Variants in ATP13A4 observed in about 807,000 individuals in gnomAD.
ATP13A4 encodes ATPase 13A4, also known as probable cation-transporting ATPase 13A4.
Under a neutral mutation model 142.5 loss-of-function variants are expected in ATP13A4, and 114 were observed. The observed-to-expected ratio is 0.80, with a 90% CI of 0.69 to 0.93. The LOEUF is 0.93. Among genes scored for constraint, ATP13A4 ranks in the 40% least tolerant of loss-of-function variants. The pLI is 0.00. For synonymous variants in ATP13A4, 488 were observed against 514.8 expected (o/e 0.95, Z 0.70); for missense variants, 1,392 against 1,454.0 (o/e 0.96, Z 0.69).
intron 3 of ATP13A4, among the ~76,000 whole-genome samples, chr3:193,495,667 A>T (rs995434717): frequency 2.0e-5 from 3 of 152,208 alleles, no homozygotes; most frequent in African/African-American, 7.2e-5. Context: ...TAAGACCTAG[A>T]ACAAGACAGG....
Position 193,441,150 on chromosome 3 carries a change from GT to G in ATP13A4, c.2439+315del, listed in dbSNP as rs139551500. Among the ~76,000 whole-genome samples, 435 of 152,150 alleles carry G rather than the reference GT, an allele frequency of 2.9e-3. 13 individuals carry two copies. In the East Asian group the frequency reaches 0.075, roughly 26 times the overall value. On this transcript the variant is annotated intron_variant, in intron 20 of 29. Coordinates refer to ENST00000342695, the MANE Select transcript of ATP13A4 (RefSeq NM_032279.4). ...GTCTGCTTTCCTGTGTAATTGCAGG[GT>G]TTCCACTATACTCTGAGACCCCTTA...
intron 2 of ATP13A4, among the ~76,000 whole-genome samples, chr3:193,503,942 T>C (rs1370645898): frequency 6.6e-6 from 1 of 151,442 alleles, no homozygotes; most frequent in East Asian, 1.9e-4. Flanking sequence ...GGGTAGGAAT[T>C]GTGTATGATG....
At chr3:193,432,738 T>TA (rs1553837414) in intron 25 of ATP13A4, among the ~76,000 whole-genome samples, 10 of 149,926 alleles carry the variant, frequency 6.7e-5, no homozygotes, top group Non-Finnish European at 1.0e-4. Context: ...AGTATAATAA[T>TA]AAAAGAAAAG....
chr3:193,554,982 C>A (rs891889017), upstream of ATP13A4: 4 of 1,490,996 alleles, frequency 2.7e-6, no homozygotes, highest in South Asian at 3.8e-5. Flanking sequence ...AAACTGAACT[C>A]CTCCCACGAG....
upstream of ATP13A4, among the ~76,000 whole-genome samples, chr3:193,555,918 G>A (rs1013751294): frequency 2.0e-5 from 3 of 152,150 alleles, no homozygotes; most frequent in Admixed American, 6.5e-5. Flanking sequence ...GGTACCGCCC[G>A]ACAGGACTTT....
rs1576944500 is a variant in ATP13A4 at position 193,421,736 on chromosome 3, T to C, written c.2843-6986A>G. ...GTTTTCAGTGTAAAACAGTCCATTA[T>C]AATTATAAGATATTTTATGTAGCTT... On this transcript the variant is annotated intron_variant, in intron 25 of 29. Coordinates refer to ENST00000342695, the MANE Select transcript of ATP13A4 (RefSeq NM_032279.4). 5.3e-5 allele frequency among the ~76,000 whole-genome samples: 8 copies of C among 150,044 alleles called. 3 individuals carry two copies. The Admixed American group carries it at 5.5e-4, about 10-fold the overall frequency.
chr3:193,577,271 A>G (rs1452885356), intron 2 of ATP13A4, among the ~76,000 whole-genome samples: 3 of 152,130 alleles, frequency 2.0e-5, no homozygotes, highest in Non-Finnish European at 4.4e-5. Context: ...TCTGTTCTGG[A>G]CCTATATTCC....
intron 18 of ATP13A4, among the ~76,000 whole-genome samples, chr3:193,446,601 TATG>T (rs545139165): frequency 1.9e-3 from 297 of 152,326 alleles, no homozygotes; most frequent in African/African-American, 6.5e-3. Context: ...TTGCTATAAA[TATG>T]ATACTTTTCA....
rs530025229 is a variant in ATP13A4, at chr3:193,505,112, C to T, written c.235-2473G>A. Among the ~76,000 whole-genome samples the T allele has an allele frequency of 5.9e-5, 9 of 152,224 alleles. No homozygotes were observed. The South Asian group carries it at 1.9e-3, about 32-fold the overall frequency. ...GACCTGAGTCCAGATCTTTCCATTC[C>T]AAATCTTGGTCCCTTCCTCTTTATT... is the stretch of plus-strand genomic sequence containing the variant. On this transcript the variant is annotated intron_variant, in intron 2 of 29. Transcript: ENST00000342695.
intron 29 of ATP13A4, among the ~76,000 whole-genome samples, chr3:193,403,431 G>A (rs116524698): frequency 0.017 from 2,539 of 152,196 alleles, 82 homozygotes; most frequent in African/African-American, 0.058. Context: ...CCATGTCTCC[G>A]TGATTAGAAT....
intron 1 of ATP13A4, among the ~76,000 whole-genome samples, chr3:193,518,327 A>G (rs1560250822): frequency 6.6e-6 from 1 of 152,264 alleles, no homozygotes; most frequent in Non-Finnish European, 1.5e-5. Flanking sequence ...TCTTAGTAAT[A>G]GAATAGGAAG....
chr3:193,554,531 T>C, intron 1 of ATP13A4: 1 of 635,692 alleles, frequency 1.6e-6, no homozygotes, highest in African/African-American at 1.8e-5. Flanking sequence ...AATATTTTCA[T>C]TCTAGCAAAT....
At chr3:193,515,874 C>T (rs1436395109) in intron 1 of ATP13A4, among the ~76,000 whole-genome samples, 2 of 152,186 alleles carry the variant, frequency 1.3e-5, no homozygotes, top group East Asian at 1.9e-4. Context: ...CAGACCAAGA[C>T]TCTTTGGGTT....
At chr3:193,495,355 T>C (rs986393739) in intron 3 of ATP13A4, among the ~76,000 whole-genome samples, 3 of 151,928 alleles carry the variant, frequency 2.0e-5, no homozygotes, top group Admixed American at 6.6e-5. Flanking sequence ...GTCAACAAAA[T>C]TAAAGTTAAC....
At position 193,493,178 on chromosome 3, in the gene ATP13A4, T is replaced by G; in HGVS notation, c.382-18A>C. 6.2e-7 allele frequency: 1 copy of G among 1,606,076 alleles called. No homozygotes were observed. The highest frequency in any genetic ancestry group is 8.5e-7 in the Non-Finnish European group (1 of 1,174,966). ...CATCTCACCTGCAAAAGAAAAGTAC[T>G]AAGAAAACCTCTAGTTTGAGGATCA... On this transcript the variant is annotated intron_variant, in intron 3 of 29. Coordinates refer to ENST00000342695, the MANE Select transcript of ATP13A4 (RefSeq NM_032279.4).
At chr3:193,564,529 G>A (rs1418576955) in intron 2 of ATP13A4, among the ~76,000 whole-genome samples, 1 of 152,200 alleles carries the variant, frequency 6.6e-6, no homozygotes, top group African/African-American at 2.4e-5. Flanking sequence ...GGAAACTGGT[G>A]CCTAGTAGTT....
chr3:193,483,558 G>A (rs964624653), intron 8 of ATP13A4, among the ~76,000 whole-genome samples: 6 of 152,034 alleles, frequency 3.9e-5, no homozygotes, highest in Admixed American at 1.3e-4. Context: ...TCCGCCTCCC[G>A]GGTTCATGCC....
intron 11 of ATP13A4, 44 bp from the exon 12 acceptor site, chr3:193,465,172 T>A: frequency 6.3e-7 from 1 of 1,595,196 alleles, no homozygotes; most frequent in Non-Finnish European, 8.6e-7. Context: ...AAATCTCTGA[T>A]GAACAGCATA....
chr3:193,571,108 T>C (rs1724253885), intron 2 of ATP13A4, among the ~76,000 whole-genome samples: 1 of 151,676 alleles, frequency 6.6e-6, no homozygotes, highest in Non-Finnish European at 1.5e-5. Context: ...CAAAACCCCG[T>C]CTCTACTAAA....
Sources: gnomAD v4.1 joint callset for allele counts (sites outside exome capture counted in the v4.1 genomes callset) on GRCh38, gnomAD v4.1.1 for gene constraint, MANE v1.5 for transcripts, NCBI Gene and HGNC (gene_info 2026-07-23, HGNC 2026-07-21) for gene names.